IMPG1: variants seen among roughly 807,000 people sequenced by gnomAD.
IMPG1 encodes interphotoreceptor matrix proteoglycan 1, also known as interphotoreceptor matrix proteoglycan of 150 kDa.
IMPG1 carries 85 observed loss-of-function variants against 92.0 expected under a neutral mutation model. That is an observed-to-expected ratio of 0.92 (90% confidence interval 0.78 to 1.11). The LOEUF is 1.11. Among genes scored for constraint, IMPG1 ranks in the 50% least tolerant of loss-of-function variants. The probability of loss-of-function intolerance (pLI) is 0.00; values close to 1 mark genes in which losing one functional copy is unlikely to be tolerated. For missense variants in IMPG1, 1,022 were observed against 956.0 expected, an observed-to-expected ratio of 1.07 and a Z score of -0.91; for synonymous variants, 367 against 334.1, an observed-to-expected ratio of 1.10 and a Z score of -1.08.
chr6:76,035,617 A>C (rs1276826524), intron 2 of IMPG1, among the ~76,000 whole-genome samples: 2 of 152,080 alleles, frequency 1.3e-5, no homozygotes, highest in African/African-American at 4.8e-5. Context: ...GTCCTTGAAG[A>C]CTTTCCAAGT....
intron 12 of IMPG1, among the ~76,000 whole-genome samples, chr6:75,982,997 A>G (rs1216308279): frequency 6.6e-6 from 1 of 152,000 alleles, no homozygotes; most frequent in Non-Finnish European, 1.5e-5. Context: ...AAAACAAGAA[A>G]ATGGGTAAGA....
At position 75,923,699 on chromosome 6, in the gene IMPG1, C is replaced by G. The variant is rs1781470579; in HGVS notation, c.2251G>C (p.Asp751His). ...TTGTATGCTTGATTTTCAGAGTGAT[C>G]TGGCAACCTACAAAAGAAAGCAAAA... ...QGKGAPCRLP[D>H]HSENQAYKTS... Residue 751 changes from aspartate to histidine, a missense_variant, in exon 16 of 17, where the codon GAT becomes CAT. Transcript: ENST00000369950. 6.3e-7 allele frequency: 1 copy of G among 1,593,426 alleles called. No individual in the cohort carries two copies. The highest frequency in any genetic ancestry group is 1.3e-5 in the African/African-American group (1 of 74,600).
chr6:75,994,300 A>G (rs1782862427), intron 12 of IMPG1, among the ~76,000 whole-genome samples: 3 of 152,228 alleles, frequency 2.0e-5, no homozygotes, highest in Admixed American at 1.3e-4. Context: ...AATCTGGGTG[A>G]CAGTTTCCTA....
At chr6:76,054,885 A>C (rs1784095258) in intron 1 of IMPG1, among the ~76,000 whole-genome samples, 1 of 152,204 alleles carries the variant, frequency 6.6e-6, no homozygotes, top group Non-Finnish European at 1.5e-5. Flanking sequence ...TTTAAAAGTC[A>C]TAGAAAGTTA....
At chr6:76,045,252 T>C (rs1262912535) in intron 1 of IMPG1, among the ~76,000 whole-genome samples, 1 of 152,208 alleles carries the variant, frequency 6.6e-6, no homozygotes, top group Non-Finnish European at 1.5e-5. Context: ...GGATGTACCA[T>C]GTTCCACTTT....
chr6:75,983,525 G>C (rs902914922), intron 12 of IMPG1, among the ~76,000 whole-genome samples: 1 of 152,136 alleles, frequency 6.6e-6, no homozygotes, highest in African/African-American at 2.4e-5. Context: ...CTATCCATCT[G>C]CAGAAGAATG....
At chr6:76,047,272 CTGT>C (rs1472695088) in intron 1 of IMPG1, among the ~76,000 whole-genome samples, 2 of 152,164 alleles carry the variant, frequency 1.3e-5, no homozygotes, top group Admixed American at 6.5e-5. Context: ...TCTTCCTTCT[CTGT>C]TGTTTTCCTA....
At chr6:76,034,211 G>A (rs1783696512) in intron 4 of IMPG1, 104 bp downstream of exon 4, 2 of 1,047,990 alleles carry the variant, frequency 1.9e-6, no homozygotes, top group Non-Finnish European at 2.9e-6. Flanking sequence ...AGCTCTTAGT[G>A]GCTGACATAA....
intron 12 of IMPG1, among the ~76,000 whole-genome samples, chr6:75,967,177 TA>T (rs138164624): frequency 7.1e-4 from 105 of 148,166 alleles, no homozygotes; most frequent in Middle Eastern, 3.5e-3. Flanking sequence ...AGACTTCTTA[TA>T]AAAAAAAAAT....
At chr6:76,064,394 A>G (rs970783955) in intron 1 of IMPG1, among the ~76,000 whole-genome samples, 2 of 136,164 alleles carry the variant, frequency 1.5e-5, no homozygotes, top group Non-Finnish European at 3.1e-5. Flanking sequence ...TTTAATGGCC[A>G]TTGGCTAAAT....
intron 12 of IMPG1, among the ~76,000 whole-genome samples, chr6:75,990,826 C>A (rs944241918): frequency 6.6e-6 from 1 of 152,166 alleles, no homozygotes; most frequent in Non-Finnish European, 1.5e-5. Context: ...AATGTAAAAA[C>A]TGAAGGAGAT....
Position 76,034,313 on chromosome 6 carries a change from G to C in IMPG1, c.497+2C>G. On this transcript the variant is annotated splice_donor_variant, in intron 4 of 16. Transcript: ENST00000369950. LOFTEE classifies it high-confidence loss of function. The stretch of plus-strand genomic sequence containing the variant: ...CACACACACTCTATTTTGGGTACTT[G>C]CCTGTCAGGGAAACTTCTCTGTTTT... The C allele has an allele frequency of 6.2e-7, 1 of 1,612,738 alleles. No homozygotes were observed. The highest frequency in any genetic ancestry group is 8.5e-7 in the Non-Finnish European group (1 of 1,178,840).
At chr6:75,980,953 G>T (rs1221709747) in intron 12 of IMPG1, among the ~76,000 whole-genome samples, 1 of 152,190 alleles carries the variant, frequency 6.6e-6, no homozygotes, top group African/African-American at 2.4e-5. Flanking sequence ...GTAAGGCCCA[G>T]AAGTCAGTGT....
Position 75,974,330 on chromosome 6 carries a change from CCTTTCTTTCTTTCTTTCTTTCTTT to C in IMPG1, c.1292-23260_1292-23237del, listed in dbSNP as rs558072098. ...TTTTCTTTCTTTCCCTCTTTCTTTC[CCTTTCTTTCTTTCTTTCTTTCTTT>C]CTTTCTTTCTTTCTTTCTTTCTTTC... is the stretch of plus-strand genomic sequence containing the variant. On this transcript the variant is annotated intron_variant, in intron 12 of 16. Transcript: ENST00000369950. Among the ~76,000 whole-genome samples, 205 of 98,266 alleles carry C rather than the reference CCTTTCTTTCTTTCTTTCTTTCTTT, an allele frequency of 2.1e-3. 2 individuals carry two copies. Among genetic ancestry groups the C allele is most frequent in the African/African-American group, 5.4e-3 (141 of 26,096 alleles). The allele number at this position is 98,266 out of a possible 152,430, so 64.5% of individuals were successfully genotyped here.
chr6:76,072,479 C>G lies in IMPG1; in HGVS notation c.10G>C (p.Glu4Gln). The change falls in exon 1 of 17, where the codon GAA becomes CAA. Residue 4 changes from glutamate (E) to glutamine (Q), a missense_variant. By Grantham distance (29) the Glu-to-Gln change is conservative. Coordinates refer to ENST00000369950, the MANE Select transcript of IMPG1 (RefSeq NM_001563.4). ...AAAACAAAAATAGCTCTTCTAGTTT[C>G]CAAATACATTCTGGCTTTTGTGCAT... MYL[E>Q]TRRAIFVFWI... 1 of 1,591,942 alleles carries G rather than the reference C, an allele frequency of 6.3e-7. No individual in the cohort carries two copies. The highest frequency in any genetic ancestry group is 8.6e-7 in the Non-Finnish European group (1 of 1,165,464).
intron 1 of IMPG1, among the ~76,000 whole-genome samples, chr6:76,053,474 A>C (rs943827843): frequency 6.6e-6 from 1 of 152,206 alleles, no homozygotes; most frequent in Non-Finnish European, 1.5e-5. Flanking sequence ...CAAAAAATTC[A>C]GGAGGAAGCT....
chr6:76,063,413 G>C (rs1459049216), intron 1 of IMPG1, among the ~76,000 whole-genome samples: 3 of 152,054 alleles, frequency 2.0e-5, no homozygotes, highest in African/African-American at 7.2e-5. Context: ...ACCCAGAGGG[G>C]CTTGGTATTT....
Position 76,003,006 on chromosome 6 carries a change from G to T in IMPG1, c.1213-10C>A. The T allele has an allele frequency of 6.2e-7, 1 of 1,604,218 alleles. No homozygotes were observed. Among genetic ancestry groups the T allele is most frequent in the South Asian group, 1.1e-5 (1 of 90,806 alleles). On this transcript the variant is annotated splice_polypyrimidine_tract_variant and intron_variant, in intron 11 of 16. Coordinates refer to ENST00000369950, the MANE Select transcript of IMPG1 (RefSeq NM_001563.4). ...GACTCAAAGTAGCATCCTGAAGAAT[G>T]AATTTTGCAAGACAGATGTTGAGAA...
chr6:76,006,375 T>C (rs1020480574), intron 9 of IMPG1, among the ~76,000 whole-genome samples: 4 of 148,242 alleles, frequency 2.7e-5, no homozygotes, highest in African/African-American at 9.8e-5. Context: ...CATATACACA[T>C]ATATGTAAAA....
Sources: allele counts gnomAD v4.1 joint callset (sites outside exome capture counted in the v4.1 genomes callset), GRCh38; gene constraint gnomAD v4.1.1; transcripts MANE v1.5; gene names NCBI Gene and HGNC (gene_info 2026-07-23, HGNC 2026-07-21).